SYNE1: variants seen among roughly 807,000 people sequenced by gnomAD.
SYNE1 encodes spectrin repeat containing nuclear envelope protein 1.
SYNE1 carries 616 observed loss-of-function variants against 1,111.0 expected under a neutral mutation model. The observed-to-expected ratio is 0.55, with a 90% confidence interval of 0.52 to 0.59. SYNE1 has a LOEUF of 0.59. SYNE1 is among the 20% of genes least tolerant of loss of function. SYNE1 has a pLI of 0.00. For synonymous variants in SYNE1, 3,855 were observed against 3,825.8 expected, an observed-to-expected ratio of 1.01 and a Z score of -0.28; for missense variants, 10,006 against 10,417.0, an observed-to-expected ratio of 0.96 and a Z score of 1.72.
chr6:152,635,683 CA>C (rs1433098230), intron 2 of SYNE1, among the ~76,000 whole-genome samples: 5 of 151,994 alleles, frequency 3.3e-5, no homozygotes, highest in Admixed American at 2.6e-4. Flanking sequence ...CAGATGAAGA[CA>C]AAAAATGGAT....
rs888354850 is a variant in SYNE1 at position 152,242,233 on chromosome 6, T to C, written c.19893+7A>G. 1 of 1,612,306 alleles carries C rather than the reference T, an allele frequency of 6.2e-7. No homozygotes were observed. Among genetic ancestry groups the C allele is most frequent in the African/African-American group, 1.3e-5 (1 of 74,890 alleles). Reference sequence around the variant, plus strand: ...TTTTCTCTCTATCACTCTTTTTTGTTATGTACCTTATGTTTGTCAAGTAGT... The same window carrying C: ...TTTTCTCTCTATCACTCTTTTTTGTCATGTACCTTATGTTTGTCAAGTAGT... On this transcript the variant is annotated splice_region_variant and intron_variant, in intron 107 of 145. Coordinates refer to ENST00000367255, the MANE Select transcript of SYNE1 (RefSeq NM_182961.4).
At chr6:152,334,968 T>C (rs1166670211) in intron 76 of SYNE1, among the ~76,000 whole-genome samples, 2 of 152,036 alleles carry the variant, frequency 1.3e-5, no homozygotes, top group East Asian at 3.9e-4. Flanking sequence ...ATGTACAGAG[T>C]TGGGGAAGGC....
At chr6:152,359,627 T>TGG (rs1467259083) in intron 64 of SYNE1, among the ~76,000 whole-genome samples, 169 bp from the exon 65 acceptor site, 11 of 146,712 alleles carry the variant, frequency 7.5e-5, no homozygotes, top group East Asian at 1.9e-4. Flanking sequence ...TGTGAATGCA[T>TGG]GGGTGTGTGT....
Position 152,350,214 on chromosome 6 carries a change from T to A in SYNE1, c.11855A>T (p.Glu3952Val), listed in dbSNP as rs1379173690. ...SGRLVAPDLL[E>V]TSSLETITQQ... ...GGTGATTGTCTCCAGGCTGCTTGTC[T>A]CCAGGAGGTCAGGTGCCACCAGTCT... is the stretch of plus-strand genomic sequence containing the variant. The change falls in exon 72 of 146, where the codon GAG (glutamate) becomes GTG (valine). Residue 3952 changes from glutamate (E) to valine (V), a missense_variant. By Grantham distance (121) the Glu-to-Val change is moderately radical (BLOSUM62 -2). This residue lies in a region of SYNE1 where 4,955 missense variants were observed against 5,017.2 expected (regional missense o/e 0.99). Transcript: ENST00000367255. 6.2e-7 allele frequency: 1 copy of A among 1,613,996 alleles called. No individual in the cohort carries two copies. The highest frequency in any genetic ancestry group is 1.1e-5 in the South Asian group (1 of 91,064).
chr6:152,385,489 C>T (rs2097512117), intron 55 of SYNE1, among the ~76,000 whole-genome samples, 185 bp downstream of exon 55: 1 of 152,168 alleles, frequency 6.6e-6, no homozygotes, highest in Non-Finnish European at 1.5e-5. Flanking sequence ...TTACATTGTG[C>T]TCATAAGTGT....
rs2096718912 is a variant in SYNE1 at position 152,350,317 on chromosome 6, C to G, written c.11752G>C (p.Glu3918Gln). The G allele has an allele frequency of 6.2e-7, 1 of 1,614,012 alleles. No homozygotes were observed. Among genetic ancestry groups the G allele is most frequent in the Non-Finnish European group, 8.5e-7 (1 of 1,180,036 alleles). The change falls in exon 72 of 146, where the codon GAG becomes CAG. Residue 3918 changes from glutamate (E) to glutamine (Q), a missense_variant. Glu to Gln is a conservative substitution (Grantham distance 29). Transcript: ENST00000367255. ...SIGKEHVFSL[E>Q]AKVKDHEDYN... ...TCTTCATGGTCTTTGACTTTCGCCT[C>G]CAGACTGAAGACATGCTCCTGCAAA... is the stretch of plus-strand genomic sequence containing the variant.
At chr6:152,591,602 A>G (rs929066329) in intron 3 of SYNE1, among the ~76,000 whole-genome samples, 2 of 152,198 alleles carry the variant, frequency 1.3e-5, no homozygotes, top group African/African-American at 4.8e-5. Context: ...TGGTGCTGGA[A>G]AAGAATTTTT....
intron 22 of SYNE1, among the ~76,000 whole-genome samples, chr6:152,457,039 T>C: frequency 6.6e-6 from 1 of 152,162 alleles, no homozygotes; most frequent in East Asian, 1.9e-4. Flanking sequence ...GATTGTATAA[T>C]GACAACTTGT....
chr6:152,482,088 C>T (rs1227164487), intron 14 of SYNE1, among the ~76,000 whole-genome samples: 1 of 151,996 alleles, frequency 6.6e-6, no homozygotes, highest in Admixed American at 6.6e-5. Flanking sequence ...GAGTGATGGC[C>T]TCTGCAGATC....
At chr6:152,375,776 A>G (rs1220995827) in intron 58 of SYNE1, among the ~76,000 whole-genome samples, 1 of 152,220 alleles carries the variant, frequency 6.6e-6, no homozygotes, top group African/African-American at 2.4e-5. Flanking sequence ...GTGCTCAGGA[A>G]CAATGCTTGT....
At chr6:152,188,937 A>G (rs1349977806) in intron 128 of SYNE1, among the ~76,000 whole-genome samples, 64 of 126,644 alleles carry the variant, frequency 5.1e-4, no homozygotes, top group African/African-American at 1.8e-3. Context: ...CAGCCTGGGC[A>G]AAAGAGTGAG....
intron 3 of SYNE1, among the ~76,000 whole-genome samples, chr6:152,562,357 A>T (rs1409563806): frequency 6.6e-6 from 1 of 152,236 alleles, no homozygotes; most frequent in African/African-American, 2.4e-5. Flanking sequence ...ACATCACCTC[A>T]TGCATTAGGA....
intron 119 of SYNE1, among the ~76,000 whole-genome samples, chr6:152,219,629 A>G (rs1026861267): frequency 1.3e-5 from 2 of 151,928 alleles, no homozygotes; most frequent in Non-Finnish European, 2.9e-5. Flanking sequence ...TTCTATTATT[A>G]TCATACACAC....
At chr6:152,393,633 G>A (rs1017928281) in intron 51 of SYNE1, among the ~76,000 whole-genome samples, 4 of 151,982 alleles carry the variant, frequency 2.6e-5, no homozygotes, top group African/African-American at 9.7e-5. Flanking sequence ...GGCTCATAGA[G>A]ATGTTCCAAT....
chr6:152,339,600 G>A (rs1590470220), intron 74 of SYNE1, among the ~76,000 whole-genome samples: 1 of 152,324 alleles, frequency 6.6e-6, no homozygotes, highest in East Asian at 1.9e-4. Context: ...ATTCTGTATG[G>A]TCTGGGAAAG....
At chr6:152,576,129 T>C (rs1408997933) in intron 3 of SYNE1, among the ~76,000 whole-genome samples, 4 of 152,368 alleles carry the variant, frequency 2.6e-5, no homozygotes, top group Middle Eastern at 3.4e-3. Flanking sequence ...TCTTTGCTAA[T>C]GTTAACTCTA....
intron 133 of SYNE1, among the ~76,000 whole-genome samples, chr6:152,154,629 T>G (rs1452464504): frequency 6.6e-6 from 1 of 152,208 alleles, no homozygotes; most frequent in Non-Finnish European, 1.5e-5. Context: ...TTGGGAGGAA[T>G]CACGATTCTT....
intron 130 of SYNE1, chr6:152,168,114 T>C: frequency 1.3e-6 from 1 of 780,430 alleles, no homozygotes; most frequent in Non-Finnish European, 2.4e-6. Flanking sequence ...GATGCCTGCC[T>C]TGTGACATCG....
chr6:152,448,498 A>G (rs1216681027), intron 28 of SYNE1, among the ~76,000 whole-genome samples: 1 of 152,208 alleles, frequency 6.6e-6, no homozygotes, highest in Non-Finnish European at 1.5e-5. Context: ...CCATATGCAT[A>G]CCATGATATT....
Sources: gnomAD v4.1 joint callset for allele counts (sites outside exome capture counted in the v4.1 genomes callset) on GRCh38, gnomAD v4.1.1 for gene constraint, gnomAD v4.1.1 regional missense constraint, MANE v1.5 for transcripts, NCBI Gene and HGNC (gene_info 2026-07-23, HGNC 2026-07-21) for gene names.